The following REN variants were observed in gnomAD, a reference collection of about 807,000 sequenced individuals.
REN encodes the protein angiotensin-forming enzyme.
REN carries 42 observed loss-of-function variants against 48.6 expected under a neutral mutation model. The ratio of observed to expected loss-of-function variants is 0.86; its 90% CI spans 0.68 to 1.12. The LOEUF (loss-of-function observed/expected upper bound fraction) is 1.12. REN is among the 50% of genes most tolerant of loss of function. The pLI is 0.00. For synonymous variants in REN, 196 were observed against 204.6 expected (o/e 0.96, Z 0.36); for missense variants, 443 against 527.3 (o/e 0.84, Z 1.57).
Position 204,156,246 on chromosome 1 carries a change from T to A in REN, c.892A>T (p.Ile298Phe). ...TCTATGGAGCTGGTAGAACCTGAGA[T>A]GTAGGATGCACCGGTGTCTACCAAT... ...LALVDTGASY[I>F]SGSTSSIEKL... The change falls in exon 8 of 10, where the codon ATC (isoleucine) becomes TTC (phenylalanine). Residue 298 changes from isoleucine (I) to phenylalanine (F), a missense_variant. By Grantham distance (21) the Ile-to-Phe change is conservative. Transcript: ENST00000272190. This position sits in a 1 kb window ranked among gnomAD's most constrained non-coding sequence, Gnocchi z 4.2. The A allele has an allele frequency of 6.2e-7, 1 of 1,614,148 alleles. No individual in the cohort carries two copies. The highest frequency in any genetic ancestry group is 8.5e-7 in the Non-Finnish European group (1 of 1,180,020).
chr1:204,158,971 T>A (rs746183598), intron 5 of REN, among the ~76,000 whole-genome samples: 1 of 152,178 alleles, frequency 6.6e-6, no homozygotes, highest in African/African-American at 2.4e-5. Flanking sequence ...TGTCTCTGTG[T>A]GGGAGGAGCC....
chr1:204,157,482 G>A, intron 5 of REN, 113 bp from the exon 6 acceptor site: 1 of 1,468,374 alleles, frequency 6.8e-7, no homozygotes, highest in Non-Finnish European at 9.5e-7. Context: ...AGGCAATGGA[G>A]TCACCAAGAG....
intron 1 of REN, 150 bp from the exon 2 acceptor site, chr1:204,162,313 G>A: frequency 1.2e-6 from 1 of 817,842 alleles, no homozygotes; most frequent in Non-Finnish European, 2.0e-6. Context: ...GAGGGCCTCT[G>A]GAGCATTTAT....
At chr1:204,157,489 A>G in intron 5 of REN, 120 bp from the exon 6 acceptor site, 1 of 1,426,070 alleles carries the variant, frequency 7.0e-7, no homozygotes, top group Non-Finnish European at 9.9e-7. Flanking sequence ...GGAGTCACCA[A>G]GAGGCGAAGT....
In REN at chr1:204,155,880, G is replaced by T. The variant is rs1658137907; in HGVS notation, c.999C>A (p.Asp333Glu). 6.2e-7 allele frequency: 1 copy of T among 1,614,084 alleles called. No individual in the cohort carries two copies. Among genetic ancestry groups the T allele is most frequent in the Non-Finnish European group, 8.5e-7 (1 of 1,179,982 alleles). ...CTTTGCCTCCCAGGTGGAAAGAGATGTCGGGGAGTGTAGGGCCCTCGTTAC... is the reference window on the plus strand; with the variant it reads ...CTTTGCCTCCCAGGTGGAAAGAGATTTCGGGGAGTGTAGGGCCCTCGTTAC... ...VKCNEGPTLP[D>E]ISFHLGGKEY... Residue 333 changes from aspartate to glutamate, a missense_variant, in exon 9 of 10, where the codon GAC (aspartate) becomes GAA (glutamate). Transcript: ENST00000272190.
intron 1 of REN, among the ~76,000 whole-genome samples, chr1:204,165,246 T>C (rs11240687): frequency 0.2 from 29,956 of 152,122 alleles, 3,191 homozygotes; most frequent in East Asian, 0.44. Context: ...GTTGGGATTA[T>C]AGGCGTGAGC....
rs978008175 is a variant in REN at position 204,160,806 on chromosome 1, C to A, written c.374-128G>T. The A allele has an allele frequency of 9.0e-6, 7 of 781,490 alleles. No homozygotes were observed. The Admixed American group carries it at 1.2e-4, about 13-fold the overall frequency. 48.4% of individuals were successfully genotyped at this position (781,490 alleles called of 1,614,324 possible). On this transcript the variant is annotated intron_variant, in intron 3 of 9. Transcript: ENST00000272190. Reference sequence around the variant, plus strand: ...GATGAGTGGCCCTAGGGTCAGGGGGCTTGGAATATGTGCTTCATCAATCAA... The same window carrying A: ...GATGAGTGGCCCTAGGGTCAGGGGGATTGGAATATGTGCTTCATCAATCAA...
chr1:204,156,499 C>T lies in REN; in HGVS notation c.818+178G>A, dbSNP rs1327162954. On this transcript the variant is annotated intron_variant, in intron 7 of 9. Transcript: ENST00000272190. The surrounding 1 kb of genome is among the most constrained non-coding windows in gnomAD (Gnocchi z 4.2). ...CACCCTCCACCACTTCTCCCCAGGC[C>T]CCTCCCTTCTCTGTTCCCCAGCCTG... Among the ~76,000 whole-genome samples the T allele has an allele frequency of 1.3e-5, 2 of 152,200 alleles. No homozygotes were observed. The highest frequency in any genetic ancestry group is 3.9e-4 in the East Asian group (2 of 5,174).
At chr1:204,159,631 T>C (rs1280965093) in intron 4 of REN, 36 bp from the exon 5 acceptor site, 2 of 1,593,092 alleles carry the variant, frequency 1.3e-6, no homozygotes, top group South Asian at 2.2e-5. Flanking sequence ...CCAAGCCCAC[T>C]GCCCACTCCT....
chr1:204,163,835 C>T (rs1336382196), intron 1 of REN, among the ~76,000 whole-genome samples: 1 of 152,198 alleles, frequency 6.6e-6, no homozygotes, highest in African/African-American at 2.4e-5. Context: ...AGCTACCTAA[C>T]CTCTCTGGGC....
intron 1 of REN, among the ~76,000 whole-genome samples, chr1:204,165,024 T>G (rs909578406): frequency 6.6e-6 from 1 of 151,556 alleles, no homozygotes; most frequent in Admixed American, 6.6e-5. Flanking sequence ...CAGGCTGGAG[T>G]GCAATGGCGC....
chr1:204,155,848 G>A lies in REN; in HGVS notation c.1031C>T (p.Thr344Met), dbSNP rs547448871. The A allele has an allele frequency of 4.3e-5, 70 of 1,613,982 alleles. No homozygotes were observed. The highest frequency in any genetic ancestry group is 1.3e-4 in the South Asian group (12 of 91,036). ...ISFHLGGKEYTLTSADYVFQE... is the reference protein window; with the variant it reads ...ISFHLGGKEYMLTSADYVFQE... ...AAATACATAGTCCGCGCTGGTGAGCGTGTATTCTTTGCCTCCCAGGTGGAA... is the reference window on the plus strand; with the variant it reads ...AAATACATAGTCCGCGCTGGTGAGCATGTATTCTTTGCCTCCCAGGTGGAA... The change falls in exon 9 of 10, where the codon ACG (threonine) becomes ATG (methionine). Residue 344 changes from threonine (T) to methionine (M), a missense_variant. Transcript: ENST00000272190.
rs371237692 is a variant in REN at position 204,159,515 on chromosome 1, A to G, written c.573T>C (p.Asp191=). The G allele has an allele frequency of 6.8e-6, 11 of 1,614,048 alleles. No homozygotes were observed. Among genetic ancestry groups the G allele is most frequent in the Admixed American group, 3.3e-5 (2 of 60,002 alleles). ...PALPFMLAEF[D]GVVGMGFIEQ... ...CAATGAAGCCCATGCCCACAACCCC[A>G]TCAAACTCGGCCAGCATGAAGGGTA... is the stretch of plus-strand genomic sequence containing the variant. Residue 191 remains aspartate (D), a synonymous_variant, in exon 5 of 10, where the codon GAT becomes GAC. Coordinates refer to ENST00000272190, the MANE Select transcript of REN (RefSeq NM_000537.4).
At position 204,159,503 on chromosome 1, in the gene REN, G is replaced by A; in HGVS notation, c.585C>T (p.Gly195=). 1 of 1,614,156 alleles carries A rather than the reference G, an allele frequency of 6.2e-7. No individual in the cohort carries two copies. Residue 195 remains glycine, a synonymous_variant, in exon 5 of 10, where the codon GGC becomes GGT. Coordinates refer to ENST00000272190, the MANE Select transcript of REN (RefSeq NM_000537.4). ...CAATGGCCTGTTCAATGAAGCCCAT[G>A]CCCACAACCCCATCAAACTCGGCCA... ...FMLAEFDGVV[G]MGFIEQAIGR...
intron 4 of REN, 76 bp from the exon 5 acceptor site, chr1:204,159,671 T>G (rs529646039): frequency 7.6e-7 from 1 of 1,313,482 alleles, no homozygotes; most frequent in East Asian, 2.3e-5. Context: ...GCTTCCACAC[T>G]AGGGATCCCA....
Position 204,156,684 on chromosome 1 carries a change from T to C in REN, c.811A>G (p.Met271Val). Residue 271 changes from methionine to valine, a missense_variant, in exon 7 of 10, where the codon ATG (methionine) becomes GTG (valine). Transcript: ENST00000272190. This position sits in a 1 kb window ranked among gnomAD's most constrained non-coding sequence, Gnocchi z 4.2. ...LIKTGVWQIQ[M>V]KGVSVGSSTL... ...GGGTTGAGGATTTCTGACCCCTTCA[T>C]TTGAATCTGCCAGACACCAGTCTTG... 6.3e-7 allele frequency: 1 copy of C among 1,584,938 alleles called. No individual in the cohort carries two copies.
At chr1:204,165,204 C>T (rs969945158) in intron 1 of REN, among the ~76,000 whole-genome samples, 1 of 152,194 alleles carries the variant, frequency 6.6e-6, no homozygotes, top group African/African-American at 2.4e-5. Flanking sequence ...CTCCTGACCT[C>T]GGGTGATCTG....
chr1:204,156,447 C>A lies in REN; in HGVS notation c.819-128G>T. ...AGGCCACGCTGGTGGCCTGTTGAGG[C>A]AGTGAGTAGAGGAGGGAAGGTACTG... is the stretch of plus-strand genomic sequence containing the variant. On this transcript the variant is annotated intron_variant, in intron 7 of 9. Transcript: ENST00000272190. This position sits in a 1 kb window ranked among gnomAD's most constrained non-coding sequence, Gnocchi z 4.2. The A allele has an allele frequency of 7.0e-7, 1 of 1,421,984 alleles. No homozygotes were observed. Among genetic ancestry groups the A allele is most frequent in the South Asian group, 1.2e-5 (1 of 82,186 alleles). The allele number at this position is 1,421,984 out of a possible 1,614,324, so 88.1% of individuals were successfully genotyped here.
At chr1:204,159,377 C>T (rs751252230) in intron 5 of REN, 22 bp downstream of exon 5, 1 of 1,609,594 alleles carries the variant, frequency 6.2e-7, no homozygotes, top group East Asian at 2.2e-5. Context: ...CCCACCTCAG[C>T]CCTTGGAGTC....
Sources: gnomAD v4.1 joint callset for allele counts (sites outside exome capture counted in the v4.1 genomes callset) on GRCh38, gnomAD v4.1.1 for gene constraint, Gnocchi (gnomAD v3.1) non-coding constraint, MANE v1.5 for transcripts, NCBI Gene and HGNC (gene_info 2026-07-23, HGNC 2026-07-21) for gene names.